The following ARHGEF26 variants were observed in gnomAD, a reference collection of about 807,000 sequenced individuals.
ARHGEF26 encodes Rho guanine nucleotide exchange factor 26.
Under a neutral mutation model 89.4 loss-of-function variants are expected in ARHGEF26, and 59 were observed. The ratio of observed to expected loss-of-function variants is 0.66; its 90% confidence interval spans 0.54 to 0.82. The LOEUF (loss-of-function observed/expected upper bound fraction) is 0.82. ARHGEF26 is among the 40% of genes least tolerant of loss of function. ARHGEF26 has a pLI of 0.00. For synonymous variants in ARHGEF26, 500 were observed against 428.4 expected, an observed-to-expected ratio of 1.17 and a Z score of -2.06; for missense variants, 1,234 against 1,085.6, an observed-to-expected ratio of 1.14 and a Z score of -1.92.
rs181383463 is a variant in ARHGEF26 at position 154,207,311 on chromosome 3, A to G, written c.1846-10558A>G. On this transcript the variant is annotated intron_variant, in intron 9 of 14. Transcript: ENST00000465093. ...AGCAAAGGAAACTCTCAACAGAGTAAACAGACAGCCTACAGAATGGGAGAA... is the reference window on the plus strand; with the variant it reads ...AGCAAAGGAAACTCTCAACAGAGTAGACAGACAGCCTACAGAATGGGAGAA... Among the ~76,000 whole-genome samples, 235 of 152,326 alleles carry G rather than the reference A, an allele frequency of 1.5e-3. 1 individual carries two copies. The highest frequency in any genetic ancestry group is 5.2e-3 in the Admixed American group (80 of 15,310).
intron 10 of ARHGEF26, among the ~76,000 whole-genome samples, chr3:154,219,158 T>C (rs956702780): frequency 2.0e-5 from 3 of 152,232 alleles, no homozygotes; most frequent in African/African-American, 7.2e-5. Flanking sequence ...TCTCTCTAAT[T>C]TGTTTCTAAA....
In ARHGEF26 at chr3:154,122,454, C is replaced by A. The variant is rs762141939; in HGVS notation, c.462C>A (p.Ala154=). 1.2e-6 allele frequency: 2 copies of A among 1,612,152 alleles called. No individual in the cohort carries two copies. Among genetic ancestry groups the A allele is most frequent in the Admixed American group, 1.7e-5 (1 of 59,946 alleles). Residue 154 remains alanine (A), a synonymous_variant, in exon 2 of 15, where the codon GCC becomes GCA. Coordinates refer to ENST00000465093, the MANE Select transcript of ARHGEF26 (RefSeq NM_015595.4). ...CCCCGCGGACTCCTAACGCGCCCGC[C>A]CCCTGCACCCCCGAGGAGGACCTTA... ...LRPPRTPNAP[A]PCTPEEDLTG... is the part of the protein sequence containing the mutation.
chr3:154,221,527 T>C (rs958713857), intron 10 of ARHGEF26, among the ~76,000 whole-genome samples: 3 of 152,204 alleles, frequency 2.0e-5, no homozygotes, highest in Admixed American at 2.0e-4. Flanking sequence ...CACTGAGCTA[T>C]TATTATAGTG....
intron 9 of ARHGEF26, among the ~76,000 whole-genome samples, chr3:154,200,946 C>A (rs568937070): frequency 1.2e-4 from 19 of 152,098 alleles, no homozygotes; most frequent in African/African-American, 4.6e-4. Flanking sequence ...TTGTATCCTG[C>A]AACTTTACTG....
intron 12 of ARHGEF26, among the ~76,000 whole-genome samples, chr3:154,241,265 CAAT>C (rs1333416769): frequency 7.2e-5 from 11 of 152,094 alleles, no homozygotes; most frequent in African/African-American, 2.2e-4. Context: ...CTTCCTCTTG[CAAT>C]AATCATCATG....
intron 6 of ARHGEF26, among the ~76,000 whole-genome samples, chr3:154,174,539 CTT>C (rs1000792186): frequency 2.6e-5 from 4 of 152,092 alleles, no homozygotes; most frequent in African/African-American, 9.7e-5. Flanking sequence ...GAAAATATAT[CTT>C]AATGAATTAT....
chr3:154,179,045 A>G (rs567916577), intron 6 of ARHGEF26, among the ~76,000 whole-genome samples: 20 of 152,152 alleles, frequency 1.3e-4, no homozygotes, highest in Non-Finnish European at 2.4e-4. Context: ...TTTAATAGTA[A>G]TTTCCAAGTT....
intron 3 of ARHGEF26, among the ~76,000 whole-genome samples, chr3:154,128,646 C>G (rs1275735525): frequency 6.6e-6 from 1 of 152,156 alleles, no homozygotes; most frequent in Non-Finnish European, 1.5e-5. Context: ...GACTCATGCC[C>G]CAGGGCTTTG....
intron 13 of ARHGEF26, among the ~76,000 whole-genome samples, chr3:154,253,844 T>G (rs1559931205): frequency 6.6e-6 from 1 of 152,186 alleles, no homozygotes; most frequent in Non-Finnish European, 1.5e-5. Flanking sequence ...AAATTATAGC[T>G]TTAAGCTTAG....
At chr3:154,197,645 C>T (rs554175566) in intron 9 of ARHGEF26, among the ~76,000 whole-genome samples, 2 of 152,138 alleles carry the variant, frequency 1.3e-5, no homozygotes, top group Non-Finnish European at 2.9e-5. Context: ...ATTGCTCATG[C>T]ATGTTGCCTT....
At chr3:154,188,313 G>A (rs931673689) in intron 7 of ARHGEF26, among the ~76,000 whole-genome samples, 1 of 152,160 alleles carries the variant, frequency 6.6e-6, no homozygotes, top group African/African-American at 2.4e-5. Context: ...CCCCCACTTG[G>A]GTAGTTAGAG....
Position 154,169,120 on chromosome 3 carries a change from G to A in ARHGEF26, c.1487+16188G>A, listed in dbSNP as rs116578135. 8.8e-3 allele frequency among the ~76,000 whole-genome samples: 1,345 copies of A among 152,176 alleles called. 20 individuals are homozygous for A. The highest frequency in any genetic ancestry group is 0.031 in the African/African-American group (1,283 of 41,514). ...AAGGGGAGGCTCAGATGGAGGTAAA[G>A]TACCTTACCCACAGTCACCCAAGCA... On this transcript the variant is annotated intron_variant, in intron 6 of 14. Coordinates refer to ENST00000465093, the MANE Select transcript of ARHGEF26 (RefSeq NM_015595.4).
At chr3:154,224,062 A>G (rs888288495) in intron 10 of ARHGEF26, among the ~76,000 whole-genome samples, 3 of 152,098 alleles carry the variant, frequency 2.0e-5, no homozygotes, top group African/African-American at 7.2e-5. Flanking sequence ...TTTAGGATAT[A>G]TCTTTGTTCA....
intron 11 of ARHGEF26, among the ~76,000 whole-genome samples, chr3:154,239,298 GA>G (rs1253139952): frequency 2.1e-5 from 1 of 47,906 alleles, no homozygotes; most frequent in African/African-American, 6.9e-5. Context: ...GAGAGAGAGA[GA>G]GTGTGTGTGT....
chr3:154,244,548 C>CA (rs779832956), intron 12 of ARHGEF26, among the ~76,000 whole-genome samples: 2 of 152,050 alleles, frequency 1.3e-5, no homozygotes, highest in Non-Finnish European at 2.9e-5. Flanking sequence ...ATCAGTTGTT[C>CA]AAGTTTGGGT....
chr3:154,170,371 G>A lies in ARHGEF26; in HGVS notation c.1488-17314G>A, dbSNP rs907062470. Reference sequence around the variant, plus strand: ...GTGAGAGCCTGTCTCAAAAGAAAAAGAAAAGAAAAGAAAAAACAAACAAAC... The same window carrying A: ...GTGAGAGCCTGTCTCAAAAGAAAAAAAAAAGAAAAGAAAAAACAAACAAAC... On this transcript the variant is annotated intron_variant, in intron 6 of 14. Transcript: ENST00000465093. 3.3e-5 allele frequency among the ~76,000 whole-genome samples: 5 copies of A among 152,024 alleles called. No homozygotes were observed. The East Asian group carries it at 5.8e-4, about 18-fold the overall frequency.
chr3:154,204,844 T>C (rs1714914478), intron 9 of ARHGEF26, among the ~76,000 whole-genome samples: 1 of 152,238 alleles, frequency 6.6e-6, no homozygotes, highest in Non-Finnish European at 1.5e-5. Context: ...TTCCTGTTAC[T>C]AATTTTTAGT....
Position 154,255,497 on chromosome 3 carries a change from T to G in ARHGEF26, c.*24T>G, listed in dbSNP as rs746505732. On this transcript the variant is annotated 3_prime_UTR_variant, in exon 15 of 15. Coordinates refer to ENST00000465093, the MANE Select transcript of ARHGEF26 (RefSeq NM_015595.4). Reference sequence around the variant, plus strand: ...AGTCTCTCAGATGGTCTTTTGTTACTGCAAGATTTGCACGACACTTACCGG... The same window carrying G: ...AGTCTCTCAGATGGTCTTTTGTTACGGCAAGATTTGCACGACACTTACCGG... 2.5e-6 allele frequency: 4 copies of G among 1,603,712 alleles called. No individual in the cohort carries two copies. The highest frequency in any genetic ancestry group is 2.6e-6 in the Non-Finnish European group (3 of 1,175,340).
rs1271239390 is a variant in ARHGEF26, at chr3:154,253,169, C to T, written c.2354C>T (p.Pro785Leu). The T allele has an allele frequency of 1.2e-6, 2 of 1,613,936 alleles. No homozygotes were observed. The highest frequency in any genetic ancestry group is 1.7e-5 in the Admixed American group (1 of 60,010). ...TALGHSSGKP[P>L]ADRTSLTQVE... is the part of the protein sequence containing the mutation. Reference sequence around the variant, plus strand: ...CTGGGACACAGCAGCGGGAAGCCGCCTGCAGACCGAACCTGTAAGTTCTCT... The same window carrying T: ...CTGGGACACAGCAGCGGGAAGCCGCTTGCAGACCGAACCTGTAAGTTCTCT... Residue 785 changes from proline (P) to leucine (L), a missense_variant, in exon 13 of 15, where the codon CCT becomes CTT. Pro to Leu is a moderately conservative substitution (Grantham distance 98). Transcript: ENST00000465093.
Sources: allele counts gnomAD v4.1 joint callset (sites outside exome capture counted in the v4.1 genomes callset), GRCh38; gene constraint gnomAD v4.1.1; transcripts MANE v1.5; gene names NCBI Gene and HGNC (gene_info 2026-07-23, HGNC 2026-07-21).